ANKS1B: variants seen among roughly 807,000 people sequenced by gnomAD.
ANKS1B encodes ankyrin repeat and sterile alpha motif domain-containing protein 1B.
ANKS1B carries 36 observed loss-of-function variants against 148.3 expected under a neutral mutation model. That is an observed-to-expected ratio of 0.24 (90% CI 0.19 to 0.32). ANKS1B has a LOEUF of 0.32. ANKS1B is among the 10% of genes least tolerant of loss of function. The pLI is 1.00. For synonymous variants in ANKS1B, 542 were observed against 560.8 expected, an observed-to-expected ratio of 0.97 and a Z score of 0.47; for missense variants, 1,157 against 1,542.6, an observed-to-expected ratio of 0.75 and a Z score of 4.19.
chr12:99,569,317 G>A (rs1271315765), intron 9 of ANKS1B, among the ~76,000 whole-genome samples: 2 of 152,102 alleles, frequency 1.3e-5, no homozygotes, highest in Non-Finnish European at 2.9e-5. Context: ...AAAGTGCTGG[G>A]GAACTGGACA....
intron 1 of ANKS1B, among the ~76,000 whole-genome samples, chr12:99,857,080 G>A (rs1025401762): frequency 2.6e-5 from 4 of 152,166 alleles, no homozygotes; most frequent in African/African-American, 4.8e-5. Flanking sequence ...AATTGGTAAA[G>A]AGGAAGTCAA....
intron 14 of ANKS1B, among the ~76,000 whole-genome samples, chr12:99,206,300 C>T (rs946737769): frequency 4.6e-5 from 7 of 151,986 alleles, no homozygotes; most frequent in Non-Finnish European, 7.4e-5. Context: ...TATTAGGCCC[C>T]GGAAGCTTCA....
intron 19 of ANKS1B, among the ~76,000 whole-genome samples, chr12:98,827,821 T>A (rs2099262115): frequency 6.6e-6 from 1 of 152,070 alleles, no homozygotes; most frequent in South Asian, 2.1e-4. Flanking sequence ...AAAGACCCAG[T>A]TCATATTAAT....
chr12:99,254,209 G>T (rs1303067697), intron 12 of ANKS1B, among the ~76,000 whole-genome samples: 1 of 152,182 alleles, frequency 6.6e-6, no homozygotes, highest in Admixed American at 6.5e-5. Flanking sequence ...TGGTTGCACG[G>T]TGGTTCTGTG....
intron 9 of ANKS1B, among the ~76,000 whole-genome samples, chr12:99,513,119 G>A (rs2096783035): frequency 1.3e-5 from 2 of 151,548 alleles, no homozygotes; most frequent in Non-Finnish European, 2.9e-5. Flanking sequence ...ATCAGTCAGT[G>A]GCCATTCAAA....
intron 8 of ANKS1B, among the ~76,000 whole-genome samples, chr12:99,695,828 C>T (rs1444915858): frequency 6.6e-6 from 1 of 152,132 alleles, no homozygotes; most frequent in Admixed American, 6.5e-5. Flanking sequence ...ACCACCATGG[C>T]ATATGTTTAC....
intron 1 of ANKS1B, among the ~76,000 whole-genome samples, chr12:99,872,911 C>T (rs1247955893): frequency 6.6e-6 from 1 of 152,030 alleles, no homozygotes; most frequent in Admixed American, 6.6e-5. Flanking sequence ...ACACTAGATA[C>T]ATTATAAAAA....
At chr12:99,175,666 T>C (rs893316173) in intron 14 of ANKS1B, among the ~76,000 whole-genome samples, 1 of 152,098 alleles carries the variant, frequency 6.6e-6, no homozygotes, top group Non-Finnish European at 1.5e-5. Context: ...ATACCATTAA[T>C]ACAGGAAAAA....
At chr12:98,897,281 G>C (rs1333399310) in intron 17 of ANKS1B, among the ~76,000 whole-genome samples, 1 of 151,834 alleles carries the variant, frequency 6.6e-6, no homozygotes, top group Non-Finnish European at 1.5e-5. Flanking sequence ...AATAAACAGA[G>C]TAAACAGACA....
Position 98,751,611 on chromosome 12 carries a change from A to G in ANKS1B, c.3580-89T>C. 1 of 1,293,642 alleles carries G rather than the reference A, an allele frequency of 7.7e-7. No homozygotes were observed. Among genetic ancestry groups the G allele is most frequent in the African/African-American group, 1.5e-5 (1 of 67,874 alleles). 80.1% of individuals were successfully genotyped at this position (1,293,642 alleles called of 1,614,324 possible). A position where few individuals can be genotyped will look rare whatever the true frequency, so the allele number is the denominator to read the frequency against. Reference sequence around the variant, plus strand: ...TGAGGAACACTGAGGGAGGTGAACTAGGGAGGAACTTGAACTACTTCACCA... The same window carrying G: ...TGAGGAACACTGAGGGAGGTGAACTGGGGAGGAACTTGAACTACTTCACCA... On this transcript the variant is annotated intron_variant, in intron 25 of 26. Transcript: ENST00000683438. This position sits in a 1 kb window ranked among gnomAD's most constrained non-coding sequence, Gnocchi z 4.3.
chr12:99,012,601 C>T (rs2099940089), intron 17 of ANKS1B, among the ~76,000 whole-genome samples: 1 of 151,966 alleles, frequency 6.6e-6, no homozygotes, highest in Non-Finnish European at 1.5e-5. Context: ...TAGGTATTTC[C>T]CATCATATGT....
chr12:98,851,131 T>C (rs1161200959), intron 17 of ANKS1B, among the ~76,000 whole-genome samples: 1 of 152,166 alleles, frequency 6.6e-6, no homozygotes, highest in Non-Finnish European at 1.5e-5. Flanking sequence ...CATTCATCCA[T>C]CCATTCATTC....
At chr12:99,415,074 T>C (rs536895061) in intron 11 of ANKS1B, among the ~76,000 whole-genome samples, 152 of 152,306 alleles carry the variant, frequency 1.0e-3, no homozygotes, top group African/African-American at 3.6e-3. Flanking sequence ...TTAATAAAGG[T>C]CAAAAGTAGT....
intron 12 of ANKS1B, among the ~76,000 whole-genome samples, chr12:99,268,752 AAGT>A (rs1305759138): frequency 3.9e-5 from 6 of 152,354 alleles, no homozygotes; most frequent in East Asian, 3.9e-4. Context: ...TAGCTGACAC[AAGT>A]AGTAGAAAAA....
chr12:99,380,492 A>G (rs1460486889), intron 12 of ANKS1B, among the ~76,000 whole-genome samples: 2 of 152,186 alleles, frequency 1.3e-5, no homozygotes, highest in Non-Finnish European at 2.9e-5. Flanking sequence ...AAAGGCAGGA[A>G]CTTTGTTTTT....
At chr12:99,251,275 A>G (rs2153973910) in intron 12 of ANKS1B, among the ~76,000 whole-genome samples, 1 of 152,288 alleles carries the variant, frequency 6.6e-6, no homozygotes, top group East Asian at 1.9e-4. Flanking sequence ...TTTTTAATCT[A>G]TAGGGTTTCA....
chr12:98,764,124 G>C (rs60473445), intron 25 of ANKS1B, among the ~76,000 whole-genome samples: 9,522 of 152,202 alleles, frequency 0.063, 433 homozygotes, highest in Middle Eastern at 0.15. Context: ...ACTTGGCCAG[G>C]GTTTGTGCAA....
At chr12:99,711,365 G>T (rs1309761883) in intron 8 of ANKS1B, among the ~76,000 whole-genome samples, 1 of 151,902 alleles carries the variant, frequency 6.6e-6, no homozygotes, top group African/African-American at 2.4e-5. Context: ...TGGGTTTATT[G>T]TACAGATTAT....
At chr12:99,291,680 G>A (rs1453910106) in intron 12 of ANKS1B, among the ~76,000 whole-genome samples, 1 of 152,054 alleles carries the variant, frequency 6.6e-6, no homozygotes, top group African/African-American at 2.4e-5. Flanking sequence ...TGGGAAAACT[G>A]GATATCCTTA....
Sources: allele counts gnomAD v4.1 joint callset (sites outside exome capture counted in the v4.1 genomes callset), GRCh38; gene constraint gnomAD v4.1.1; non-coding constraint Gnocchi (gnomAD v3.1); transcripts MANE v1.5; gene names NCBI Gene and HGNC (gene_info 2026-07-23, HGNC 2026-07-21).